The following RAP1GAP2 variants were observed in gnomAD, a reference collection of about 807,000 sequenced individuals.
The protein encoded by RAP1GAP2 is rap1 GTPase-activating protein 2.
A neutral mutation model predicts 95.0 loss-of-function variants in RAP1GAP2; 27 were observed. The ratio of observed to expected loss-of-function variants is 0.28; its 90% CI spans 0.21 to 0.39. The LOEUF is 0.39. Ranked by LOEUF, RAP1GAP2 falls within the 10% of genes least tolerant of loss-of-function variation. The probability of loss-of-function intolerance (pLI) is 1.00; values close to 1 mark genes in which losing one functional copy is unlikely to be tolerated. For synonymous variants in RAP1GAP2, 373 were observed against 380.9 expected (o/e 0.98, Z 0.24); for missense variants, 771 against 970.0 (o/e 0.79, Z 2.72).
Position 2,902,055 on chromosome 17 carries a change from G to A in RAP1GAP2, c.81-3229G>A, listed in dbSNP as rs1251457792. On this transcript the variant is annotated intron_variant, in intron 2 of 24. Transcript: ENST00000254695. This position sits in a 1 kb window ranked among gnomAD's most constrained non-coding sequence, Gnocchi z 4.1. ...AAAATCAAGGTGTCAGCAGGGCGACGCTCCCTCTGCAGGCTCTAGGGAAGA... is the reference window on the plus strand; with the variant it reads ...AAAATCAAGGTGTCAGCAGGGCGACACTCCCTCTGCAGGCTCTAGGGAAGA... Among the ~76,000 whole-genome samples, 1 of 152,154 alleles carries A rather than the reference G, an allele frequency of 6.6e-6. No individual in the cohort carries two copies. Among genetic ancestry groups the A allele is most frequent in the African/African-American group, 2.4e-5 (1 of 41,436 alleles).
At position 2,995,420 on chromosome 17, in the gene RAP1GAP2, T is replaced by G; in HGVS notation, c.998T>G (p.Phe333Cys). 3 of 1,613,942 alleles carry G rather than the reference T, an allele frequency of 1.9e-6. No individual in the cohort carries two copies. The highest frequency in any genetic ancestry group is 2.5e-6 in the Non-Finnish European group (3 of 1,179,832). Reference protein sequence around the residue: ...YTTFRDREIMFHVSTKLPFTD... With the variant: ...YTTFRDREIMCHVSTKLPFTD... ...ACATTCCGGGACAGGGAGATCATGT[T>G]TCACGTTTCCACAAAGCTGCCATTT... The change falls in exon 13 of 25, where the codon TTT (phenylalanine) becomes TGT (cysteine). Residue 333 changes from phenylalanine (F) to cysteine (C), a missense_variant. Phe to Cys is a radical substitution (Grantham distance 205). Transcript: ENST00000254695.
chr17:2,810,440 C>T (rs2069714910), intron 2 of RAP1GAP2, among the ~76,000 whole-genome samples: 1 of 150,448 alleles, frequency 6.6e-6, no homozygotes, highest in South Asian at 2.1e-4. Flanking sequence ...ATACATGTGC[C>T]ATGTTGGTGT....
chr17:2,992,222 G>A (rs926411849), intron 12 of RAP1GAP2, among the ~76,000 whole-genome samples: 2 of 148,676 alleles, frequency 1.3e-5, no homozygotes, highest in Non-Finnish European at 3.0e-5. Flanking sequence ...ATGCAGTGGT[G>A]CGATCTTGAC....
At chr17:2,765,442 C>G (rs1479043465) in intron 1 of RAP1GAP2, among the ~76,000 whole-genome samples, 1 of 152,024 alleles carries the variant, frequency 6.6e-6, no homozygotes, top group Non-Finnish European at 1.5e-5. Flanking sequence ...TATTGAGACC[C>G]TGTTTCTAAA....
intron 2 of RAP1GAP2, among the ~76,000 whole-genome samples, chr17:2,811,573 ATTTTTTTG>A (rs1048879697): frequency 8.6e-5 from 13 of 151,862 alleles, no homozygotes; most frequent in Admixed American, 4.6e-4. Flanking sequence ...TTGTGTGTGT[ATTTTTTTG>A]TTTTTTTGTT....
rs1443101345 is a variant in RAP1GAP2 at position 2,964,208 on chromosome 17, G to A, written c.492+140G>A. Reference sequence around the variant, plus strand: ...CTGTGGGAGAGGAGCTGCCAGGGGTGGGGGTGAGGCTGGGAGAGGCTGTGG... The same window carrying A: ...CTGTGGGAGAGGAGCTGCCAGGGGTAGGGGTGAGGCTGGGAGAGGCTGTGG... On this transcript the variant is annotated intron_variant, in intron 7 of 24. Transcript: ENST00000254695. 34 of 724,818 alleles carry A rather than the reference G, an allele frequency of 4.7e-5. No homozygotes were observed. In the African/African-American group the frequency reaches 4.9e-4, roughly 10 times the overall value. 44.9% of individuals were successfully genotyped at this position (724,818 alleles called of 1,614,324 possible).
chr17:2,832,387 T>C (rs1281706239), intron 2 of RAP1GAP2, among the ~76,000 whole-genome samples: 2 of 149,352 alleles, frequency 1.3e-5, no homozygotes, highest in Non-Finnish European at 3.0e-5. Context: ...TGAAACCCCA[T>C]CTCTACTAAA....
intron 2 of RAP1GAP2, among the ~76,000 whole-genome samples, chr17:2,878,297 C>T (rs945137084): frequency 8.5e-5 from 13 of 152,074 alleles, no homozygotes; most frequent in Non-Finnish European, 4.4e-5. Flanking sequence ...TTTAGGGACA[C>T]ATTGGGTTCG....
At chr17:2,949,265 G>A (rs113373589) in intron 3 of RAP1GAP2, among the ~76,000 whole-genome samples, 58 of 152,320 alleles carry the variant, frequency 3.8e-4, no homozygotes, top group African/African-American at 1.3e-3. Flanking sequence ...CTGCATGGAC[G>A]CTGCTATTGA....
chr17:3,005,959 C>T lies in RAP1GAP2; in HGVS notation c.1277C>T (p.Pro426Leu), dbSNP rs199628910. The change falls in exon 16 of 25, where the codon CCG (proline) becomes CTG (leucine). Residue 426 changes from proline (P) to leucine (L), a missense_variant. Transcript: ENST00000254695. This position sits in a 1 kb window ranked among gnomAD's most constrained non-coding sequence, Gnocchi z 5.2. ...LPSPPVFQKG[P>L]EFREFLLTKL... is the part of the protein sequence containing the mutation. ...GGTCCGTCTTGTCTCTTCCAGGGCCCGGAATTCAGGGAGTTTCTGCTCACC... is the reference window on the plus strand; with the variant it reads ...GGTCCGTCTTGTCTCTTCCAGGGCCTGGAATTCAGGGAGTTTCTGCTCACC... The T allele has an allele frequency of 4.2e-5, 67 of 1,613,654 alleles. No individual in the cohort carries two copies. The Middle Eastern group carries it at 5.0e-4, about 12-fold the overall frequency.
chr17:2,900,888 A>G (rs528679864), intron 2 of RAP1GAP2, among the ~76,000 whole-genome samples: 1 of 152,300 alleles, frequency 6.6e-6, no homozygotes, highest in South Asian at 2.1e-4. Context: ...CTTGATTCCA[A>G]GTGTAGGGTG....
chr17:3,013,728 G>C lies in RAP1GAP2; in HGVS notation c.1495-4333G>C, dbSNP rs540483461. 3.2e-4 allele frequency among the ~76,000 whole-genome samples: 46 copies of C among 142,634 alleles called. No homozygotes were observed. In the Admixed American group the frequency reaches 3.3e-3, roughly 10 times the overall value. 93.6% of individuals were successfully genotyped at this position (142,634 alleles called of 152,430 possible). On this transcript the variant is annotated intron_variant, in intron 17 of 24. Coordinates refer to ENST00000254695, the MANE Select transcript of RAP1GAP2 (RefSeq NM_015085.5). Reference sequence around the variant, plus strand: ...CCAGTTGAATTGTATTTTCAACCTGGACCAGTTTTTAATATACAGGGACCC... The same window carrying C: ...CCAGTTGAATTGTATTTTCAACCTGCACCAGTTTTTAATATACAGGGACCC...
intron 3 of RAP1GAP2, among the ~76,000 whole-genome samples, chr17:2,930,826 TAAAAC>T (rs1405935111): frequency 2.6e-5 from 4 of 151,934 alleles, no homozygotes; most frequent in South Asian, 4.2e-4. Flanking sequence ...AAATACAATA[TAAAAC>T]AAAACAAAAG....
chr17:2,847,566 C>T (rs2071642764), intron 2 of RAP1GAP2, among the ~76,000 whole-genome samples: 1 of 152,130 alleles, frequency 6.6e-6, no homozygotes. Flanking sequence ...TAGAGCCAAA[C>T]AGAATAGGGT....
In RAP1GAP2 at chr17:2,889,889, A is replaced by ATATAT. The variant is rs1408426152; in HGVS notation, c.81-15394_81-15393insATATT. ...TATATATATATATATATATATATAT[A>ATATAT]TTTTTTTTTTTTTTTGTAGAGATGG... is the stretch of plus-strand genomic sequence containing the variant. On this transcript the variant is annotated intron_variant, in intron 2 of 24. Transcript: ENST00000254695. Among the ~76,000 whole-genome samples, 208 of 57,292 alleles carry ATATAT rather than the reference A, an allele frequency of 3.6e-3. 3 individuals carry two copies. Among genetic ancestry groups the ATATAT allele is most frequent in the Non-Finnish European group, 4.3e-3 (141 of 32,532 alleles). 37.6% of individuals were successfully genotyped at this position (57,292 alleles called of 152,430 possible). A position where few individuals can be genotyped will look rare whatever the true frequency, so the allele number is the denominator to read the frequency against.
chr17:2,902,958 G>A lies in RAP1GAP2; in HGVS notation c.81-2326G>A, dbSNP rs2042074074. 1.3e-5 allele frequency among the ~76,000 whole-genome samples: 2 copies of A among 152,180 alleles called. No homozygotes were observed. Among genetic ancestry groups the A allele is most frequent in the South Asian group, 4.1e-4 (2 of 4,826 alleles). ...GGGGAAAAATAGACAGCATGACTGT[G>A]TGTATGAGCGTCCAGTGACCGGTGA... On this transcript the variant is annotated intron_variant, in intron 2 of 24. Transcript: ENST00000254695. The surrounding 1 kb of genome is among the most constrained non-coding windows in gnomAD (Gnocchi z 4.1).
At chr17:2,792,757 T>G (rs1434306768), upstream of RAP1GAP2, among the ~76,000 whole-genome samples, 1 of 152,148 alleles carries the variant, frequency 6.6e-6, no homozygotes, top group Admixed American at 6.6e-5. Flanking sequence ...CACCCCCCGG[T>G]GGGGGAAACC....
chr17:2,784,774 A>G (rs1465526481), intron 1 of RAP1GAP2, among the ~76,000 whole-genome samples: 4 of 152,096 alleles, frequency 2.6e-5, no homozygotes, highest in Non-Finnish European at 5.9e-5. Context: ...CCAGTTTATT[A>G]TCTCATTACA....
At chr17:2,821,500 G>A (rs141507833) in intron 2 of RAP1GAP2, among the ~76,000 whole-genome samples, 254 of 150,900 alleles carry the variant, frequency 1.7e-3, no homozygotes, top group African/African-American at 5.8e-3. Flanking sequence ...CTTAGCCTCC[G>A]GAGTAGCTGG....
Sources: allele counts gnomAD v4.1 joint callset (sites outside exome capture counted in the v4.1 genomes callset), GRCh38; gene constraint gnomAD v4.1.1; non-coding constraint Gnocchi (gnomAD v3.1); transcripts MANE v1.5; gene names NCBI Gene and HGNC (gene_info 2026-07-23, HGNC 2026-07-21).